Variants in PLEKHA7 observed in about 807,000 individuals in gnomAD.
PLEKHA7 encodes the protein pleckstrin homology domain-containing family A member 7.
In PLEKHA7, 104 loss-of-function variants were observed where a neutral mutation model predicts 170.0. The ratio of observed to expected loss-of-function variants is 0.61; its 90% CI spans 0.52 to 0.72. The LOEUF is 0.72. Ranked by LOEUF, PLEKHA7 falls within the 30% of genes least tolerant of loss-of-function variation. The pLI, the probability that PLEKHA7 is intolerant of heterozygous loss-of-function variation, is 0.00. For synonymous variants in PLEKHA7, 648 were observed against 660.8 expected (o/e 0.98, Z 0.30); for missense variants, 1,615 against 1,671.7 (o/e 0.97, Z 0.59).
chr11:16,960,651 G>A (rs1166366028), intron 3 of PLEKHA7, among the ~76,000 whole-genome samples: 4 of 152,098 alleles, frequency 2.6e-5, no homozygotes, highest in Non-Finnish European at 5.9e-5. Context: ...GGGCAAAGAG[G>A]AGAAAGGGGA....
intron 8 of PLEKHA7, among the ~76,000 whole-genome samples, chr11:16,847,076 A>C (rs952798401): frequency 6.9e-6 from 1 of 145,718 alleles, no homozygotes; most frequent in African/African-American, 2.5e-5. Flanking sequence ...GCTGTGGCTG[A>C]AGTTTTTTTT....
At chr11:17,003,858 T>G (rs1249184446) in intron 3 of PLEKHA7, among the ~76,000 whole-genome samples, 3 of 152,170 alleles carry the variant, frequency 2.0e-5, no homozygotes, top group African/African-American at 7.2e-5. Context: ...AGAGAAGTGA[T>G]CCGGCACAAC....
At chr11:16,793,494 A>G (rs954678557) in intron 19 of PLEKHA7, among the ~76,000 whole-genome samples, 1 of 152,184 alleles carries the variant, frequency 6.6e-6, no homozygotes, top group African/African-American at 2.4e-5. Context: ...AGCAGAACTC[A>G]TGTGTTTTAC....
In PLEKHA7 at chr11:16,789,321, G is replaced by C. The variant is rs778553993; in HGVS notation, c.3157-25C>G. 7 of 1,609,506 alleles carry C rather than the reference G, an allele frequency of 4.3e-6. No homozygotes were observed. In the South Asian group the frequency reaches 5.5e-5, roughly 13 times the overall value. Reference sequence around the variant, plus strand: ...TCTGAGGAAGAGGAGGCAGGCAAGAGAGACACAGAACAGCTGGGCTGGGCA... The same window carrying C: ...TCTGAGGAAGAGGAGGCAGGCAAGACAGACACAGAACAGCTGGGCTGGGCA... On this transcript the variant is annotated intron_variant, in intron 22 of 26. Transcript: ENST00000531066. This position sits in a 1 kb window ranked among gnomAD's most constrained non-coding sequence, Gnocchi z 4.6.
intron 4 of PLEKHA7, among the ~76,000 whole-genome samples, chr11:16,858,451 T>C (rs1317057288): frequency 1.3e-5 from 2 of 152,082 alleles, no homozygotes; most frequent in African/African-American, 4.8e-5. Context: ...CCAGGACAAA[T>C]AGCTACTTTT....
In PLEKHA7 at chr11:16,782,764, C is replaced by T; in HGVS notation, c.3783G>A (p.Lys1261=). 6.5e-7 allele frequency: 1 copy of T among 1,536,088 alleles called. No individual in the cohort carries two copies. The highest frequency in any genetic ancestry group is 8.7e-7 in the Non-Finnish European group (1 of 1,146,876). Residue 1261 remains lysine, a synonymous_variant, in exon 26 of 27, where the codon AAG becomes AAA. Transcript: ENST00000531066. ...ALASEASQRS[K]QVAAQAVTDP is the part of the protein sequence containing the mutation. ...GGGCCATGGCCTTACCTGCCACCTG[C>T]TTGCTACGCTGGGAGGCCTCGGAGG...
At chr11:16,800,347 C>T (rs1848510882) in intron 17 of PLEKHA7, among the ~76,000 whole-genome samples, 2 of 152,224 alleles carry the variant, frequency 1.3e-5, no homozygotes, top group Admixed American at 6.5e-5. Flanking sequence ...CACTGTCTCA[C>T]TTCTGGGGGA....
chr11:16,914,123 C>T (rs975133965), intron 3 of PLEKHA7, among the ~76,000 whole-genome samples: 3 of 151,612 alleles, frequency 2.0e-5, no homozygotes, highest in South Asian at 4.1e-4. Context: ...CACATGATAT[C>T]GTAAGTGCAT....
intron 3 of PLEKHA7, among the ~76,000 whole-genome samples, chr11:16,914,410 A>G (rs890165394): frequency 4.6e-5 from 7 of 152,172 alleles, no homozygotes; most frequent in African/African-American, 1.7e-4. Context: ...AACCGGTGAC[A>G]CTCAATCTCG....
At chr11:16,885,537 C>G (rs550889805) in intron 3 of PLEKHA7, among the ~76,000 whole-genome samples, 2 of 151,018 alleles carry the variant, frequency 1.3e-5, no homozygotes, top group African/African-American at 2.4e-5. Context: ...GGTGGCGGAG[C>G]CTGTAATCCC....
At chr11:16,873,507 T>C (rs974042569) in intron 3 of PLEKHA7, among the ~76,000 whole-genome samples, 11 of 152,158 alleles carry the variant, frequency 7.2e-5, no homozygotes, top group Admixed American at 7.2e-4. Flanking sequence ...CCCGTGGAAT[T>C]CTATGACCTC....
At chr11:16,919,936 T>C (rs764886146) in intron 3 of PLEKHA7, among the ~76,000 whole-genome samples, 7 of 152,228 alleles carry the variant, frequency 4.6e-5, no homozygotes, top group Non-Finnish European at 1.0e-4. Flanking sequence ...CTGGGATTTG[T>C]GATACCAGCC....
chr11:16,906,905 G>A (rs1241935503), intron 3 of PLEKHA7, among the ~76,000 whole-genome samples: 5 of 142,466 alleles, frequency 3.5e-5, no homozygotes, highest in Admixed American at 1.4e-4. Flanking sequence ...GCCGCCCATC[G>A]TCTGAGATGT....
chr11:16,792,030 A>T (rs1432752910), intron 19 of PLEKHA7, among the ~76,000 whole-genome samples: 7 of 152,178 alleles, frequency 4.6e-5, no homozygotes, highest in Non-Finnish European at 8.8e-5. Flanking sequence ...AGTTCAGGAA[A>T]GGGCACTCCA....
chr11:16,821,801 T>C (rs746704519), intron 10 of PLEKHA7, among the ~76,000 whole-genome samples: 1 of 152,234 alleles, frequency 6.6e-6, no homozygotes, highest in Non-Finnish European at 1.5e-5. Context: ...CTTTGCTCAC[T>C]TAAAGATTGA....
intron 3 of PLEKHA7, among the ~76,000 whole-genome samples, chr11:16,951,035 A>G (rs1861374898): frequency 6.6e-6 from 1 of 152,164 alleles, no homozygotes; most frequent in East Asian, 1.9e-4. Context: ...ACATCCTTCT[A>G]TTCTTTTAAT....
At chr11:16,918,443 C>G (rs1461001751) in intron 3 of PLEKHA7, among the ~76,000 whole-genome samples, 1 of 152,196 alleles carries the variant, frequency 6.6e-6, no homozygotes, top group African/African-American at 2.4e-5. Flanking sequence ...GCAGCCCAAG[C>G]TGGGATCTGA....
At chr11:17,010,118 T>A (rs992635155) in intron 3 of PLEKHA7, among the ~76,000 whole-genome samples, 2 of 152,110 alleles carry the variant, frequency 1.3e-5, no homozygotes, top group African/African-American at 2.4e-5. Flanking sequence ...CCAGGCACAG[T>A]GGCTCATGCC....
chr11:16,880,882 T>A (rs564575415), intron 3 of PLEKHA7, among the ~76,000 whole-genome samples: 2 of 152,352 alleles, frequency 1.3e-5, no homozygotes, highest in African/African-American at 2.4e-5. Flanking sequence ...GTTTCCAGGA[T>A]GTTCCCTCCA....
Sources: allele counts gnomAD v4.1 joint callset (sites outside exome capture counted in the v4.1 genomes callset), GRCh38; gene constraint gnomAD v4.1.1; non-coding constraint Gnocchi (gnomAD v3.1); transcripts MANE v1.5; gene names NCBI Gene and HGNC (gene_info 2026-07-23, HGNC 2026-07-21).